The following NOL10 variants were observed in gnomAD, a reference collection of about 807,000 sequenced individuals.
The protein encoded by NOL10 is nucleolar protein 10.
In NOL10, 58 loss-of-function variants were observed where a neutral mutation model predicts 103.5. The observed-to-expected ratio is 0.56, with a 90% CI of 0.45 to 0.70. NOL10 has a LOEUF of 0.70. NOL10 is among the 30% of genes least tolerant of loss of function. NOL10 has a pLI of 0.00. For synonymous variants in NOL10, 287 were observed against 282.5 expected, an observed-to-expected ratio of 1.02 and a Z score of -0.16; for missense variants, 763 against 807.3, an observed-to-expected ratio of 0.95 and a Z score of 0.67.
At chr2:10,650,071 C>T (rs1471437723) in intron 12 of NOL10, among the ~76,000 whole-genome samples, 1 of 152,076 alleles carries the variant, frequency 6.6e-6, no homozygotes, top group East Asian at 1.9e-4. Context: ...GTTTTCTGAC[C>T]AAATTGTCAA....
At chr2:10,679,495 AAAAAAT>A (rs1238663920) in intron 3 of NOL10, among the ~76,000 whole-genome samples, 6 of 152,150 alleles carry the variant, frequency 3.9e-5, no homozygotes, top group Non-Finnish European at 7.4e-5. Context: ...CCTGTCTCAA[AAAAAAT>A]AAAAATAAAA....
At chr2:10,689,588 CCA>C (rs902197086) in intron 1 of NOL10, among the ~76,000 whole-genome samples, 5 of 152,232 alleles carry the variant, frequency 3.3e-5, no homozygotes, top group African/African-American at 7.2e-5. Flanking sequence ...ATCCCTTGGT[CCA>C]GTTTCTGGCG....
intron 13 of NOL10, among the ~76,000 whole-genome samples, chr2:10,639,734 A>G: frequency 6.6e-6 from 1 of 152,222 alleles, no homozygotes; most frequent in East Asian, 1.9e-4. Context: ...AGGAAAAAGC[A>G]AGCTTGAAAA....
At chr2:10,637,195 A>AAAAAC in intron 13 of NOL10, among the ~76,000 whole-genome samples, 1 of 148,510 alleles carries the variant, frequency 6.7e-6, no homozygotes, top group African/African-American at 2.5e-5. Context: ...TCTCAAAAAA[A>AAAAAC]AAAAAAAAAA....
intron 13 of NOL10, among the ~76,000 whole-genome samples, chr2:10,637,575 C>A (rs541138922): frequency 2.0e-5 from 3 of 152,346 alleles, no homozygotes; most frequent in Admixed American, 2.0e-4. Context: ...GTGCTACCTA[C>A]TCAGCTGAGA....
chr2:10,679,442 G>A (rs534445985), intron 3 of NOL10, among the ~76,000 whole-genome samples: 1 of 152,064 alleles, frequency 6.6e-6, no homozygotes, highest in Non-Finnish European at 1.5e-5. Context: ...TGAGGAAGGA[G>A]GATGGCTTGA....
chr2:10,672,936 T>C (rs1681045901), intron 5 of NOL10, among the ~76,000 whole-genome samples: 1 of 151,968 alleles, frequency 6.6e-6, no homozygotes, highest in African/African-American at 2.4e-5. Flanking sequence ...GATGCTGCAA[T>C]GAGCTGAAAT....
chr2:10,686,552 A>G (rs1189904198), intron 1 of NOL10, among the ~76,000 whole-genome samples: 1 of 152,228 alleles, frequency 6.6e-6, no homozygotes, highest in Non-Finnish European at 1.5e-5. Flanking sequence ...CAGCTTACTG[A>G]TAACAGACTG....
chr2:10,614,228 G>A (rs944070579), intron 13 of NOL10, among the ~76,000 whole-genome samples: 31 of 152,114 alleles, frequency 2.0e-4, no homozygotes, highest in Non-Finnish European at 4.3e-4. Context: ...CTAAAGTGCT[G>A]GGATTATAGA....
intron 17 of NOL10, among the ~76,000 whole-genome samples, chr2:10,600,029 G>C: frequency 6.6e-6 from 1 of 152,020 alleles, no homozygotes; most frequent in East Asian, 1.9e-4. Flanking sequence ...AGAACCTCCT[G>C]AGGGCACCAC....
chr2:10,610,384 CT>C (rs910311792), intron 13 of NOL10, among the ~76,000 whole-genome samples: 2 of 152,186 alleles, frequency 1.3e-5, no homozygotes, highest in Admixed American at 6.5e-5. Context: ...TTTAAATTGC[CT>C]GTCAGGGGAC....
intron 3 of NOL10, 88 bp from the exon 4 acceptor site, chr2:10,675,959 G>C: frequency 3.3e-6 from 2 of 613,710 alleles, no homozygotes; most frequent in African/African-American, 1.9e-5. Flanking sequence ...CTTGTTCAGA[G>C]ACAGGCAGGA....
intron 13 of NOL10, among the ~76,000 whole-genome samples, chr2:10,643,385 C>T (rs1295727385): frequency 6.6e-6 from 1 of 152,204 alleles, no homozygotes; most frequent in Non-Finnish European, 1.5e-5. Flanking sequence ...GTACCCCTCA[C>T]TCTACTCTCT....
chr2:10,662,515 T>C (rs1680278023), intron 9 of NOL10, among the ~76,000 whole-genome samples: 1 of 152,172 alleles, frequency 6.6e-6, no homozygotes, highest in African/African-American at 2.4e-5. Flanking sequence ...GAAATAATCA[T>C]AAAACTGTAA....
At chr2:10,652,866 T>C (rs887279879) in intron 12 of NOL10, among the ~76,000 whole-genome samples, 1 of 152,206 alleles carries the variant, frequency 6.6e-6, no homozygotes, top group Non-Finnish European at 1.5e-5. Flanking sequence ...GGTTCAGGGC[T>C]TGCCGCCTAA....
intron 12 of NOL10, among the ~76,000 whole-genome samples, chr2:10,650,310 A>AT (rs1558322060): frequency 5.3e-5 from 8 of 151,538 alleles, no homozygotes; most frequent in Non-Finnish European, 1.2e-4. Context: ...ACAGGCGCAC[A>AT]GTGCCACTGC....
chr2:10,636,695 A>C (rs1049136858), intron 13 of NOL10, among the ~76,000 whole-genome samples: 1 of 152,142 alleles, frequency 6.6e-6, no homozygotes. Flanking sequence ...GCCAAAACAC[A>C]CCAGAACAGT....
chr2:10,662,841 A>G, intron 9 of NOL10, 118 bp downstream of exon 9: 1 of 784,296 alleles, frequency 1.3e-6, no homozygotes, highest in Non-Finnish European at 2.0e-6. Flanking sequence ...TTTATGAAAA[A>G]CAATCATGGA....
intron 9 of NOL10, 85 bp from the exon 10 acceptor site, chr2:10,659,335 A>G: frequency 8.1e-6 from 2 of 246,318 alleles, no homozygotes; most frequent in Non-Finnish European, 1.7e-5. Flanking sequence ...TTCACTTCAA[A>G]TCTAATGGGG....
Sources: gnomAD v4.1 joint callset for allele counts (sites outside exome capture counted in the v4.1 genomes callset) on GRCh38, gnomAD v4.1.1 for gene constraint, MANE v1.5 for transcripts, NCBI Gene and HGNC (gene_info 2026-07-23, HGNC 2026-07-21) for gene names.